The following RASIP1 variants were observed in gnomAD, a reference collection of about 807,000 sequenced individuals.
RASIP1 encodes the protein ras-interacting protein 1.
Under a neutral mutation model 85.3 loss-of-function variants are expected in RASIP1, and 20 were observed. That is an observed-to-expected ratio of 0.23 (90% CI 0.17 to 0.34). The LOEUF is 0.34. Ranked by LOEUF, RASIP1 falls within the 10% of genes least tolerant of loss-of-function variation. The probability of loss-of-function intolerance (pLI) is 1.00; values close to 1 mark genes in which losing one functional copy is unlikely to be tolerated. For missense variants in RASIP1, 1,170 were observed against 1,390.9 expected, an observed-to-expected ratio of 0.84 and a Z score of 2.53; for synonymous variants, 617 against 647.1, an observed-to-expected ratio of 0.95 and a Z score of 0.71.
In RASIP1 at chr19:48,726,886, G is replaced by C; in HGVS notation, c.2026C>G (p.Pro676Ala). ...AATTCCAAGTCATTGCAGAGCTGTG[G>C]GTCTGAGGACAGGCTTGGGGTTAAG... is the stretch of plus-strand genomic sequence containing the variant. ...EMEKEADQED[P>A]QLCNDLELCD... The change falls in exon 8 of 12, where the codon CCA becomes GCA. Residue 676 changes from proline (P) to alanine (A), a missense_variant and splice_region_variant. Physicochemically the swap from Pro to Ala is conservative, Grantham distance 27. Coordinates refer to ENST00000222145, the MANE Select transcript of RASIP1 (RefSeq NM_017805.3). The C allele has an allele frequency of 1.9e-6, 3 of 1,613,392 alleles. No individual in the cohort carries two copies. Among genetic ancestry groups the C allele is most frequent in the Non-Finnish European group, 1.7e-6 (2 of 1,179,638 alleles).
rs1299328137 is a variant in RASIP1 at position 48,740,524 on chromosome 19, G to C, written c.-8C>G. ...CTGCTGGGTCCCTGGCTCTTACCCT[G>C]CTTCGGGTCCGGCACACCCGGAGGC... On this transcript the variant is annotated 5_prime_UTR_variant, in exon 1 of 12. Transcript: ENST00000222145. The surrounding 1 kb of genome is among the most constrained non-coding windows in gnomAD (Gnocchi z 5.5). 2.2e-6 allele frequency: 3 copies of C among 1,390,696 alleles called. No homozygotes were observed. Among genetic ancestry groups the C allele is most frequent in the Non-Finnish European group, 2.8e-6 (3 of 1,079,922 alleles). The allele number at this position is 1,390,696 out of a possible 1,614,324, so 86.1% of individuals were successfully genotyped here.
intron 4 of RASIP1, among the ~76,000 whole-genome samples, chr19:48,734,547 G>T (rs2122469186): frequency 6.7e-6 from 1 of 150,226 alleles, no homozygotes; most frequent in African/African-American, 2.5e-5. Context: ...GAGTGCAATG[G>T]AACGATCTTG....
rs748877630 is a variant in RASIP1 at position 48,729,381 on chromosome 19, G to A, written c.1389C>T (p.Cys463=). The A allele has an allele frequency of 1.2e-5, 18 of 1,556,314 alleles. No homozygotes were observed. The highest frequency in any genetic ancestry group is 1.5e-5 in the Non-Finnish European group (17 of 1,150,508). Reference sequence around the variant, plus strand: ...GCAGCTCAGCCTCCCGCAGCAGGAGGCACCCGTTGTGCGTGACTGGGGCGC... The same window carrying A: ...GCAGCTCAGCCTCCCGCAGCAGGAGACACCCGTTGTGCGTGACTGGGGCGC... ...SRGAPVTHNG[C]LLLREAELHP... Residue 463 remains cysteine, a synonymous_variant, in exon 5 of 12, where the codon TGC becomes TGT. Transcript: ENST00000222145.
chr19:48,735,333 T>A lies in RASIP1; in HGVS notation c.1042A>T (p.Ser348Cys). The change falls in exon 4 of 12, where the codon AGC (serine) becomes TGC (cysteine). Residue 348 changes from serine to cysteine, a missense_variant. By Grantham distance (112) the Ser-to-Cys change is moderately radical. Around this residue, in one of 4 missense-constraint regions of RASIP1, gnomAD observed 301 missense variants for 294.8 expected, o/e 1.02. Transcript: ENST00000222145. Reference sequence around the variant, plus strand: ...GCGTCGGCTGCCCCTGGGGCCATGCTAAGTGCCTGCTGTCTCCGCTCCTGC... The same window carrying A: ...GCGTCGGCTGCCCCTGGGGCCATGCAAAGTGCCTGCTGTCTCCGCTCCTGC... ...RQQERRQQAL[S>C]MAPGAADAQI... is the part of the protein sequence containing the mutation. The A allele has an allele frequency of 4.3e-6, 7 of 1,613,686 alleles. No individual in the cohort carries two copies. Among genetic ancestry groups the A allele is most frequent in the Non-Finnish European group, 5.9e-6 (7 of 1,179,900 alleles).
At position 48,721,956 on chromosome 19, in the gene RASIP1, C is replaced by T. The variant is rs374430911; in HGVS notation, c.2590G>A (p.Ala864Thr). 3.9e-6 allele frequency: 6 copies of T among 1,545,384 alleles called. No individual in the cohort carries two copies. Among genetic ancestry groups the T allele is most frequent in the South Asian group, 1.2e-5 (1 of 83,268 alleles). The change falls in exon 11 of 12, where the codon GCC (alanine) becomes ACC (threonine). Residue 864 changes from alanine (A) to threonine (T), a missense_variant. Ala to Thr is a moderately conservative substitution (Grantham distance 58). Transcript: ENST00000222145. ...LRTDHPTLTP[A>T]QLHHLLSHYQ... ...TGGCTGAGCAGATGGTGCAGCTGGG[C>T]GGGGGTCAAGGTGGGGTGGTCGGTT...
Position 48,739,488 on chromosome 19 carries a change from C to A in RASIP1, c.295G>T (p.Gly99Trp). ...ISQLFRGSGT[G>W]TTGSSGAGGP... ...CCTGCGCCGCTGGACCCCGTGGTCC[C>A]GGTCCCCGAGCCCCGGAAGAGCTGG... The change falls in exon 3 of 12, where the codon GGG becomes TGG. Residue 99 changes from glycine (G) to tryptophan (W), a missense_variant. Physicochemically the swap from Gly to Trp is radical, Grantham distance 184 (BLOSUM62 -2). Coordinates refer to ENST00000222145, the MANE Select transcript of RASIP1 (RefSeq NM_017805.3). The surrounding 1 kb of genome is among the most constrained non-coding windows in gnomAD (Gnocchi z 9.2). 1 of 1,505,730 alleles carries A rather than the reference C, an allele frequency of 6.6e-7. No homozygotes were observed. Among genetic ancestry groups the A allele is most frequent in the East Asian group, 2.7e-5 (1 of 37,146 alleles). 93.3% of individuals were successfully genotyped at this position (1,505,730 alleles called of 1,614,324 possible).
intron 4 of RASIP1, 89 bp downstream of exon 4, chr19:48,735,107 C>T (rs1326434839): frequency 1.1e-5 from 14 of 1,268,458 alleles, no homozygotes; most frequent in Non-Finnish European, 1.4e-5. Context: ...TAGCGCGCCC[C>T]GGGCCTTCTG....
chr19:48,721,202 C>G (rs577117713), intron 11 of RASIP1, among the ~76,000 whole-genome samples: 156 of 152,176 alleles, frequency 1.0e-3, no homozygotes, highest in African/African-American at 3.6e-3. Context: ...GCCACCGTTG[C>G]CTGGGAAACG....
At chr19:48,737,787 C>A (rs2122483271) in intron 3 of RASIP1, 3 of 985,076 alleles carry the variant, frequency 3.0e-6, no homozygotes, top group Non-Finnish European at 3.6e-6. Context: ...CCCCAGACCA[C>A]GCTTTTCCAC....
chr19:48,720,639 G>C lies in RASIP1; in HGVS notation c.*159C>G. 1.3e-6 allele frequency: 1 copy of C among 766,518 alleles called. No individual in the cohort carries two copies. Among genetic ancestry groups the C allele is most frequent in the South Asian group, 1.6e-5 (1 of 61,660 alleles). 47.5% of individuals were successfully genotyped at this position (766,518 alleles called of 1,614,324 possible). A position where few individuals can be genotyped will look rare whatever the true frequency, so the allele number is the denominator to read the frequency against. On this transcript the variant is annotated 3_prime_UTR_variant, in exon 12 of 12. Transcript: ENST00000222145. ...CCTGGCATTCACATCCTAAGCCCAT[G>C]CTCCCACCGTCCCATCCGCTACTTC...
intron 6 of RASIP1, 68 bp from the exon 7 acceptor site, chr19:48,727,226 T>G: frequency 1.3e-6 from 2 of 1,593,732 alleles, no homozygotes; most frequent in Admixed American, 3.4e-5. Flanking sequence ...CCCCAAGATC[T>G]AAGTCTAAGT....
At position 48,729,104 on chromosome 19, in the gene RASIP1, G is replaced by A; in HGVS notation, c.1666C>T (p.Leu556=). The A allele has an allele frequency of 7.3e-7, 1 of 1,372,994 alleles. No individual in the cohort carries two copies. Among genetic ancestry groups the A allele is most frequent in the Non-Finnish European group, 9.3e-7 (1 of 1,070,186 alleles). The allele number at this position is 1,372,994 out of a possible 1,614,324, so 85.1% of individuals were successfully genotyped here. ...GCTGCGGCGCGCACGATCTCGCCCAGCAGCGCCTCCTCCTCGCGCGGCCGG... is the reference window on the plus strand; with the variant it reads ...GCTGCGGCGCGCACGATCTCGCCCAACAGCGCCTCCTCCTCGCGCGGCCGG... The part of the protein sequence containing the change: ...RFRPREEEAL[L]GEIVRAAAAG... Residue 556 remains leucine (L), a synonymous_variant, in exon 5 of 12, where the codon CTG becomes TTG. Transcript: ENST00000222145.
Position 48,721,915 on chromosome 19 carries a change from A to T in RASIP1, c.2631T>A (p.Pro877=). Residue 877 remains proline, a synonymous_variant, in exon 11 of 12, where the codon CCT becomes CCA. Coordinates refer to ENST00000222145, the MANE Select transcript of RASIP1 (RefSeq NM_017805.3). ...CCCACGCGGCTGGCGGCCCGCGGCC[A>T]GGGCCCAGCTGATAGTGGCTGAGCA... ...HHLLSHYQLG[P]GRGPPAAWDP... is the part of the protein sequence containing the mutation. The T allele has an allele frequency of 6.2e-7, 1 of 1,602,542 alleles. No individual in the cohort carries two copies. Among genetic ancestry groups the T allele is most frequent in the Non-Finnish European group, 8.5e-7 (1 of 1,174,820 alleles).
rs144734317 is a variant in RASIP1 at position 48,724,354 on chromosome 19, G to A, written c.2527C>T (p.Arg843Cys). The A allele has an allele frequency of 1.6e-3, 2,516 of 1,614,052 alleles. 10 individuals carry two copies. The highest frequency in any genetic ancestry group is 1.7e-3 in the Non-Finnish European group (1,953 of 1,179,978). ...SMAVNLLCVP[R>C]TSLLKASWSS... ...GGAGTCACCTTGAGCAGGGAAGTGCGGGGCACACAGAGCAGGTTCACAGCC... is the reference window on the plus strand; with the variant it reads ...GGAGTCACCTTGAGCAGGGAAGTGCAGGGCACACAGAGCAGGTTCACAGCC... Residue 843 changes from arginine to cysteine, a missense_variant, in exon 10 of 12, where the codon CGC becomes TGC. Arg to Cys is a radical substitution (Grantham distance 180, BLOSUM62 -3). Coordinates refer to ENST00000222145, the MANE Select transcript of RASIP1 (RefSeq NM_017805.3). The surrounding 1 kb of genome is among the most constrained non-coding windows in gnomAD (Gnocchi z 4.6).
intron 5 of RASIP1, 69 bp from the exon 6 acceptor site, chr19:48,727,499 G>GT (rs2033362483): frequency 6.7e-7 from 1 of 1,499,176 alleles, no homozygotes; most frequent in African/African-American, 1.4e-5. Flanking sequence ...TAATACCCTG[G>GT]TTTTTATAGA....
chr19:48,731,739 A>G (rs1411283721), intron 4 of RASIP1, among the ~76,000 whole-genome samples: 1 of 152,146 alleles, frequency 6.6e-6, no homozygotes, highest in Non-Finnish European at 1.5e-5. Flanking sequence ...GTGTTTCCAA[A>G]AAGACTCCTA....
At chr19:48,734,993 A>G (rs1291299282) in intron 4 of RASIP1, among the ~76,000 whole-genome samples, 2 of 151,734 alleles carry the variant, frequency 1.3e-5, no homozygotes, top group African/African-American at 4.8e-5. Context: ...ACTATTCCCT[A>G]TTTCCTCCTC....
At position 48,738,853 on chromosome 19, in the gene RASIP1, C is replaced by G; in HGVS notation, c.823+107G>C. On this transcript the variant is annotated intron_variant, in intron 3 of 11. Transcript: ENST00000222145. This position sits in a 1 kb window ranked among gnomAD's most constrained non-coding sequence, Gnocchi z 4.0. Reference sequence around the variant, plus strand: ...CCTCCCAGTCCCCTCCCGCGGGCCCCGCCCCCAGCCAGCCCGCGAGTCCCA... The same window carrying G: ...CCTCCCAGTCCCCTCCCGCGGGCCCGGCCCCCAGCCAGCCCGCGAGTCCCA... 1 of 1,120,278 alleles carries G rather than the reference C, an allele frequency of 8.9e-7. No individual in the cohort carries two copies. Among genetic ancestry groups the G allele is most frequent in the Non-Finnish European group, 1.1e-6 (1 of 909,080 alleles). 69.4% of individuals were successfully genotyped at this position (1,120,278 alleles called of 1,614,324 possible).
At chr19:48,731,298 A>G (rs1302018120) in intron 4 of RASIP1, among the ~76,000 whole-genome samples, 3 of 151,606 alleles carry the variant, frequency 2.0e-5, no homozygotes, top group Non-Finnish European at 2.9e-5. Flanking sequence ...CCTTCCATCA[A>G]TGGATGTTCT....
Sources: gnomAD v4.1 joint callset for allele counts (sites outside exome capture counted in the v4.1 genomes callset) on GRCh38, gnomAD v4.1.1 for gene constraint, gnomAD v4.1.1 regional missense constraint, Gnocchi (gnomAD v3.1) non-coding constraint, MANE v1.5 for transcripts, NCBI Gene and HGNC (gene_info 2026-07-23, HGNC 2026-07-21) for gene names.